The following TMTC2 variants were observed in gnomAD, a reference collection of about 807,000 sequenced individuals.
TMTC2 encodes the protein transmembrane O-mannosyltransferase targeting cadherins 2.
In TMTC2, 43 loss-of-function variants were observed where a neutral mutation model predicts 82.4. The observed-to-expected ratio is 0.52, with a 90% CI of 0.41 to 0.67. The LOEUF (loss-of-function observed/expected upper bound fraction) is 0.67. Ranked by LOEUF, TMTC2 falls within the 30% of genes least tolerant of loss-of-function variation. TMTC2 has a pLI of 0.00. For missense variants in TMTC2, 919 were observed against 1,012.4 expected (o/e 0.91, Z 1.25); for synonymous variants, 408 against 381.9 (o/e 1.07, Z -0.80).
intron 1 of TMTC2, among the ~76,000 whole-genome samples, chr12:82,698,732 TTATAA>T (rs1467429957): frequency 1.3e-5 from 2 of 152,112 alleles, no homozygotes; most frequent in Non-Finnish European, 2.9e-5. Flanking sequence ...AATAGAACAG[TTATAA>T]TATACAAGCA....
intron 11 of TMTC2, among the ~76,000 whole-genome samples, chr12:83,068,527 A>C (rs546449326): frequency 6.6e-6 from 1 of 152,096 alleles, no homozygotes; most frequent in Non-Finnish European, 1.5e-5. Context: ...ACTTTCCACA[A>C]GCTTCTGTGA....
At chr12:82,864,546 C>T (rs1224534847) in intron 2 of TMTC2, among the ~76,000 whole-genome samples, 2 of 144,628 alleles carry the variant, frequency 1.4e-5, no homozygotes, top group East Asian at 4.1e-4. Flanking sequence ...TCTGTCGCCA[C>T]GCTGGAGTGC....
At chr12:83,109,477 ATTT>A (rs148874453) in intron 11 of TMTC2, among the ~76,000 whole-genome samples, 5,513 of 152,206 alleles carry the variant, frequency 0.036, 158 homozygotes, top group Non-Finnish European at 0.053. Flanking sequence ...TTCTTGAAAT[ATTT>A]CACTAAGTTT....
rs58427886 is a variant in TMTC2 at position 82,752,147 on chromosome 12, C to CATTTTT, written c.83+64478_83+64479insATTTTT. Among the ~76,000 whole-genome samples, 41 of 137,924 alleles carry CATTTTT rather than the reference C, an allele frequency of 3.0e-4. 18 individuals carry two copies. The highest frequency in any genetic ancestry group is 1.7e-4 in the African/African-American group (6 of 35,844). 90.5% of individuals were successfully genotyped at this position (137,924 alleles called of 152,430 possible). On this transcript the variant is annotated intron_variant, in intron 1 of 11. Transcript: ENST00000321196. ...ATGTTTTTATATTTATTGGAAGCTC[C>CATTTTT]TTTTTTTTTTTTTTTTTTTCTGAAG...
At chr12:82,956,016 GAT>G (rs1877595310) in intron 4 of TMTC2, among the ~76,000 whole-genome samples, 2 of 151,918 alleles carry the variant, frequency 1.3e-5, no homozygotes, top group African/African-American at 2.4e-5. Flanking sequence ...AACTCCGTAT[GAT>G]ATGGACTTAC....
chr12:83,004,195 T>C (rs1214029257), intron 8 of TMTC2, among the ~76,000 whole-genome samples: 2 of 152,216 alleles, frequency 1.3e-5, no homozygotes, highest in Non-Finnish European at 2.9e-5. Context: ...ACATTCCTTG[T>C]GAATTTTTCA....
chr12:82,887,389 C>A (rs568300222), intron 2 of TMTC2, among the ~76,000 whole-genome samples: 300 of 152,220 alleles, frequency 2.0e-3, no homozygotes, highest in Admixed American at 4.6e-3. Flanking sequence ...TAGTCAAAGA[C>A]CCCCATAGAA....
At chr12:82,689,297 G>T (rs959787043) in intron 1 of TMTC2, among the ~76,000 whole-genome samples, 12 of 150,746 alleles carry the variant, frequency 8.0e-5, no homozygotes, top group African/African-American at 2.7e-4. Flanking sequence ...AGAATATAGA[G>T]TTTATTTAAA....
intron 1 of TMTC2, among the ~76,000 whole-genome samples, chr12:82,751,304 G>A (rs574630833): frequency 7.9e-5 from 12 of 151,242 alleles, no homozygotes; most frequent in African/African-American, 2.2e-4. Flanking sequence ...ACCAAACACC[G>A]CATATTCTCA....
At chr12:83,045,754 A>ACACACACACACACACACACACACACACCC (rs1882096576) in intron 9 of TMTC2, among the ~76,000 whole-genome samples, 1 of 53,304 alleles carries the variant, frequency 1.9e-5, no homozygotes, top group African/African-American at 9.9e-5. Flanking sequence ...CACACACACC[A>ACACACACACACACACACACACACACACCC]GGAGTGTCTG....
intron 1 of TMTC2, among the ~76,000 whole-genome samples, chr12:82,826,196 G>GTTTGAGC (rs1241094356): frequency 6.6e-6 from 1 of 152,066 alleles, no homozygotes; most frequent in East Asian, 1.9e-4. Context: ...TTTCTTTGTG[G>GTTTGAGC]TTTGAGCTTT....
chr12:82,942,216 A>G (rs1876761568), intron 4 of TMTC2, among the ~76,000 whole-genome samples: 1 of 152,274 alleles, frequency 6.6e-6, no homozygotes, highest in South Asian at 2.1e-4. Context: ...ATGGATAACC[A>G]GCCAAGGGAT....
chr12:83,111,708 C>T (rs986701808), intron 11 of TMTC2, among the ~76,000 whole-genome samples: 9 of 151,934 alleles, frequency 5.9e-5, no homozygotes, highest in African/African-American at 1.7e-4. Flanking sequence ...GTTTTTGACT[C>T]TATTACATGC....
At chr12:83,097,697 G>A (rs919523333) in intron 11 of TMTC2, among the ~76,000 whole-genome samples, 6 of 152,132 alleles carry the variant, frequency 3.9e-5, no homozygotes, top group Admixed American at 3.3e-4. Context: ...AAAATAAAAC[G>A]TAAAGAGGGA....
chr12:82,703,973 A>T (rs1398091465), intron 1 of TMTC2, among the ~76,000 whole-genome samples: 1 of 152,226 alleles, frequency 6.6e-6, no homozygotes, highest in African/African-American at 2.4e-5. Flanking sequence ...CATGTGTTAT[A>T]AAACAGTGGC....
At chr12:82,763,200 AAC>A (rs1206417193) in intron 1 of TMTC2, among the ~76,000 whole-genome samples, 1 of 151,930 alleles carries the variant, frequency 6.6e-6, no homozygotes, top group Non-Finnish European at 1.5e-5. Flanking sequence ...AGAAAAAAAA[AAC>A]AAGAAAAAAA....
At chr12:83,071,141 C>G (rs1407691677) in intron 11 of TMTC2, among the ~76,000 whole-genome samples, 1 of 147,104 alleles carries the variant, frequency 6.8e-6, no homozygotes, top group Non-Finnish European at 1.5e-5. Context: ...GAATATTGGT[C>G]TGTAGTTGTT....
chr12:82,704,560 A>G (rs1873252180), intron 1 of TMTC2, among the ~76,000 whole-genome samples: 1 of 152,168 alleles, frequency 6.6e-6, no homozygotes, highest in African/African-American at 2.4e-5. Flanking sequence ...GGCATAAGTA[A>G]CTCTGCAGTG....
intron 7 of TMTC2, among the ~76,000 whole-genome samples, chr12:82,979,958 A>G (rs1423380947): frequency 6.6e-6 from 1 of 151,656 alleles, no homozygotes. Context: ...GCTGCCTCAC[A>G]TATTAGAGCT....
Sources: allele counts gnomAD v4.1 joint callset (sites outside exome capture counted in the v4.1 genomes callset), GRCh38; gene constraint gnomAD v4.1.1; transcripts MANE v1.5; gene names NCBI Gene and HGNC (gene_info 2026-07-23, HGNC 2026-07-21).